The following USP53 variants were observed in gnomAD, a reference collection of about 807,000 sequenced individuals.
The protein encoded by USP53 is ubiquitin carboxyl-terminal hydrolase 53.
Under a neutral mutation model 94.9 loss-of-function variants are expected in USP53, and 71 were observed. That is an observed-to-expected ratio of 0.75 (90% CI 0.62 to 0.91). The LOEUF (loss-of-function observed/expected upper bound fraction) is 0.91, where lower values mean the gene tolerates loss of function less well. Among genes scored for constraint, USP53 ranks in the 40% least tolerant of loss-of-function variants. The pLI is 0.00. For synonymous variants in USP53, 375 were observed against 422.7 expected (o/e 0.89, Z 1.39); for missense variants, 1,173 against 1,281.0 (o/e 0.92, Z 1.29).
At chr4:119,229,745 C>G (rs1162503286) in intron 3 of USP53, among the ~76,000 whole-genome samples, 1 of 152,142 alleles carries the variant, frequency 6.6e-6, no homozygotes, top group Non-Finnish European at 1.5e-5. Flanking sequence ...CTTCTACTTG[C>G]AGATTAATTT....
chr4:119,275,904 G>C lies in USP53; in HGVS notation c.2251+2196G>C, dbSNP rs1463316932. Reference sequence around the variant, plus strand: ...TCACGATTTGGCTCTCTGTTTGTCTGTTGTTGGTGTATAAGAATGCTTGTG... The same window carrying C: ...TCACGATTTGGCTCTCTGTTTGTCTCTTGTTGGTGTATAAGAATGCTTGTG... On this transcript the variant is annotated intron_variant, in intron 17 of 18. Transcript: ENST00000692078. 4.3e-3 allele frequency among the ~76,000 whole-genome samples: 653 copies of C among 151,022 alleles called. 3 individuals carry two copies. The highest frequency in any genetic ancestry group is 0.015 in the African/African-American group (625 of 41,138).
Position 119,261,712 on chromosome 4 carries a change from C to T in USP53, c.823-3C>T. 6.4e-7 allele frequency: 1 copy of T among 1,562,712 alleles called. No homozygotes were observed. Among genetic ancestry groups the T allele is most frequent in the Non-Finnish European group, 8.7e-7 (1 of 1,145,258 alleles). ...AGTGTACATTACCAATTTTTTTAAA[C>T]AGCTTTTTTATAGAGTTACTGATGA... On this transcript the variant is annotated splice_polypyrimidine_tract_variant and splice_region_variant and intron_variant, in intron 11 of 18. Coordinates refer to ENST00000692078, the MANE Select transcript of USP53 (RefSeq NM_001371395.1).
chr4:119,266,568 T>C (rs1267366614), intron 12 of USP53, among the ~76,000 whole-genome samples: 2 of 152,228 alleles, frequency 1.3e-5, no homozygotes, highest in Non-Finnish European at 2.9e-5. Context: ...CATCTTTTCA[T>C]GTGCTTGTTT....
In USP53 at chr4:119,244,321, C is replaced by A. The variant is rs182327191; in HGVS notation, c.145-1016C>A. 9.1e-4 allele frequency among the ~76,000 whole-genome samples: 138 copies of A among 152,152 alleles called. 1 individual carries two copies. The East Asian group carries it at 0.02, about 22-fold the overall frequency. ...CGTTTAAAGAGAAATTTTGAAATGA[C>A]CTTTAGTTGTGGAGTAGTTGAAAAT... is the stretch of plus-strand genomic sequence containing the variant. On this transcript the variant is annotated intron_variant, in intron 5 of 18. Transcript: ENST00000692078.
chr4:119,263,536 G>A (rs1750750535), intron 12 of USP53, among the ~76,000 whole-genome samples: 1 of 152,110 alleles, frequency 6.6e-6, no homozygotes, highest in South Asian at 2.1e-4. Flanking sequence ...GCATGTGAGG[G>A]GTGAACCCAC....
At chr4:119,213,303 G>C (rs1743130841) in intron 1 of USP53, 1 of 152,116 alleles carries the variant, frequency 6.6e-6, no homozygotes, top group African/African-American at 2.4e-5. Flanking sequence ...TACTTAAAGG[G>C]GTCCAGGATG....
chr4:119,289,427 A>G (rs1273341388), intron 17 of USP53, among the ~76,000 whole-genome samples: 1 of 152,192 alleles, frequency 6.6e-6, no homozygotes, highest in Non-Finnish European at 1.5e-5. Context: ...TATTATCATG[A>G]AAATAGTTTG....
chr4:119,272,082 G>C (rs771854746), intron 16 of USP53, 48 bp downstream of exon 16: 2 of 1,512,948 alleles, frequency 1.3e-6, no homozygotes, highest in Non-Finnish European at 8.8e-7. Flanking sequence ...CTTCTTTTTT[G>C]TTAATTGCAT....
At chr4:119,233,519 G>A (rs1339393583) in intron 3 of USP53, among the ~76,000 whole-genome samples, 1 of 152,052 alleles carries the variant, frequency 6.6e-6, no homozygotes, top group Non-Finnish European at 1.5e-5. Context: ...CTTTTGAGAA[G>A]TGTTTATATT....
rs1341518982 is a variant in USP53, at chr4:119,239,774, A to C, written c.15A>C (p.Lys5Asn). 6 of 1,611,340 alleles carry C rather than the reference A, an allele frequency of 3.7e-6. No homozygotes were observed. Among genetic ancestry groups the C allele is most frequent in the Non-Finnish European group, 4.2e-6 (5 of 1,179,074 alleles). MAWV[K>N]FLRKPGGNLG... ...GTTGCTTGAAAATGGCATGGGTAAA[A>C]TTCTTACGGAAACCTGGTGGCAATC... Residue 5 changes from lysine (K) to asparagine (N), a missense_variant, in exon 5 of 19, where the codon AAA becomes AAC. Coordinates refer to ENST00000692078, the MANE Select transcript of USP53 (RefSeq NM_001371395.1).
At position 119,291,153 on chromosome 4, in the gene USP53, A is replaced by AC; in HGVS notation, c.2252-9dup. The AC allele has an allele frequency of 3.5e-5, 18 of 516,004 alleles. No individual in the cohort carries two copies. Among genetic ancestry groups the AC allele is most frequent in the Non-Finnish European group, 5.3e-5 (17 of 319,422 alleles). 32.0% of individuals were successfully genotyped at this position (516,004 alleles called of 1,614,324 possible). On this transcript the variant is annotated splice_polypyrimidine_tract_variant and intron_variant, in intron 17 of 18. Coordinates refer to ENST00000692078, the MANE Select transcript of USP53 (RefSeq NM_001371395.1). ...TTTCCTCATCTCTTCTCCCCACCCCACCCAACCCTAGGCTTTAGAAAAGAA... is the reference window on the plus strand; with the variant it reads ...TTTCCTCATCTCTTCTCCCCACCCCACCCCAACCCTAGGCTTTAGAAAAGAA...
At chr4:119,250,398 G>T (rs1317882335) in intron 7 of USP53, among the ~76,000 whole-genome samples, 1 of 152,122 alleles carries the variant, frequency 6.6e-6, no homozygotes, top group African/African-American at 2.4e-5. Context: ...TTAAAAATGA[G>T]CATCTTCATG....
At chr4:119,276,968 T>C (rs1242374423) in intron 17 of USP53, among the ~76,000 whole-genome samples, 4 of 43,616 alleles carry the variant, frequency 9.2e-5, no homozygotes, top group Non-Finnish European at 1.3e-4. Context: ...TTTTTTATTG[T>C]GTCTATTTGA....
At chr4:119,232,309 G>T (rs1746178556) in intron 3 of USP53, among the ~76,000 whole-genome samples, 1 of 152,022 alleles carries the variant, frequency 6.6e-6, no homozygotes, top group South Asian at 2.1e-4. Flanking sequence ...CACTTCTCCA[G>T]TCCTAAACAA....
rs1755025286 is a variant in USP53, at chr4:119,293,779, G to GT, written c.*573dup. 1 of 151,998 alleles carries GT rather than the reference G, an allele frequency of 6.6e-6. No homozygotes were observed. Among genetic ancestry groups the GT allele is most frequent in the Non-Finnish European group, 1.5e-5 (1 of 67,972 alleles). The allele number at this position is 151,998 out of a possible 1,614,324, so 9.4% of individuals were successfully genotyped here. On this transcript the variant is annotated 3_prime_UTR_variant, in exon 19 of 19. Transcript: ENST00000692078. Reference sequence around the variant, plus strand: ...AACCAGAAAAGGGCTTCACCCATTTGTTTTTGACTTCTATGATAGTCACTG... The same window carrying GT: ...AACCAGAAAAGGGCTTCACCCATTTGTTTTTTGACTTCTATGATAGTCACTG...
intron 16 of USP53, chr4:119,272,796 C>G (rs562460971): frequency 4.6e-5 from 7 of 152,260 alleles, no homozygotes; most frequent in African/African-American, 1.2e-4. Flanking sequence ...CACACTCATT[C>G]TCATGGAAGA....
chr4:119,260,959 T>C (rs1412587109), intron 11 of USP53, among the ~76,000 whole-genome samples: 3 of 71,618 alleles, frequency 4.2e-5, no homozygotes, highest in South Asian at 3.6e-4. Context: ...TCTTTTTTTT[T>C]TTTTTTTTTT....
At chr4:119,232,181 G>A (rs1220660017) in intron 3 of USP53, among the ~76,000 whole-genome samples, 1 of 152,128 alleles carries the variant, frequency 6.6e-6, no homozygotes, top group Admixed American at 6.5e-5. Context: ...AAAATTCAGT[G>A]ATTTTTAGTA....
chr4:119,287,170 T>C (rs1028417055), intron 17 of USP53, among the ~76,000 whole-genome samples: 12 of 152,102 alleles, frequency 7.9e-5, no homozygotes, highest in African/African-American at 2.4e-4. Flanking sequence ...TGAATGTCTT[T>C]TGTATGCTAG....
Sources: gnomAD v4.1 joint callset for allele counts (sites outside exome capture counted in the v4.1 genomes callset) on GRCh38, gnomAD v4.1.1 for gene constraint, MANE v1.5 for transcripts, NCBI Gene and HGNC (gene_info 2026-07-23, HGNC 2026-07-21) for gene names.